Variants in C3orf49 observed in about 807,000 individuals in gnomAD.
C3orf49 encodes chromosome 3 open reading frame 49, also known as putative uncharacterized protein C3orf49.
In C3orf49, 27 loss-of-function variants were observed where a neutral mutation model predicts 13.3. The ratio of observed to expected loss-of-function variants is 2.02; its 90% CI spans 1.49 to 2.79. C3orf49 has a LOEUF of 2.79. Among genes scored for constraint, C3orf49 ranks in the 30% most tolerant of loss-of-function variants. The pLI, the probability that C3orf49 is intolerant of heterozygous loss-of-function variation, is 0.00. For missense variants in C3orf49, 242 were observed against 134.2 expected (o/e 1.80, Z -3.97); for synonymous variants, 87 against 47.6 (o/e 1.83, Z -3.40).
chr3:63,843,445 G>GGGCCGGGCGCGGTGGCT (rs1701812447), intron 5 of C3orf49, among the ~76,000 whole-genome samples: 1 of 152,062 alleles, frequency 6.6e-6, no homozygotes, highest in African/African-American at 2.4e-5. Context: ...ATTAAAAATG[G>GGGCCGGGCGCGGTGGCT]AACTACCATA....
intron 4 of C3orf49, among the ~76,000 whole-genome samples, chr3:63,831,426 G>A (rs373747506): frequency 5.3e-5 from 8 of 152,306 alleles, no homozygotes; most frequent in Admixed American, 1.3e-4. Flanking sequence ...CCTGATAAAT[G>A]TTAAATGAAT....
the C3orf49 span, among the ~76,000 whole-genome samples, chr3:63,807,992 G>T: frequency 6.6e-6 from 1 of 151,844 alleles, no homozygotes; most frequent in Admixed American, 6.6e-5. Context: ...AAGTTCTCAC[G>T]CAACTGAACA....
chr3:63,838,316 G>T, intron 5 of C3orf49: 1 of 1,227,936 alleles, frequency 8.1e-7, no homozygotes, highest in Non-Finnish European at 1.1e-6. Context: ...AGCAGGTATT[G>T]TTTCCTTTAG....
chr3:63,819,268 T>G (rs182701934), upstream of C3orf49: 1 of 515,162 alleles, frequency 1.9e-6, no homozygotes, highest in African/African-American at 1.9e-5. Flanking sequence ...CTCTGTGAAG[T>G]TGTAAACAGG....
At chr3:63,791,188 T>A in the C3orf49 span, among the ~76,000 whole-genome samples, 1 of 152,188 alleles carries the variant, frequency 6.6e-6, no homozygotes, top group African/African-American at 2.4e-5. Context: ...CAAAAAGGTA[T>A]CCAAAGGGAT....
At chr3:63,844,907 T>C (rs1701853672) in intron 5 of C3orf49, 116 bp from the exon 6 acceptor site, 4 of 536,652 alleles carry the variant, frequency 7.5e-6, no homozygotes, top group Non-Finnish European at 1.0e-5. Context: ...GTACTGGCAG[T>C]GTGGCTGTTG....
chr3:63,823,246 T>A lies in C3orf49; in HGVS notation c.126-4T>A, dbSNP rs937286663. ...CTAATATGAACCATTTTTATTTTGT[T>A]TAGATGGCATAGAGCTGTGTCTACC... On this transcript the variant is annotated splice_region_variant and splice_polypyrimidine_tract_variant and intron_variant, in intron 1 of 6. Transcript: ENST00000295896. The A allele has an allele frequency of 4.3e-6, 3 of 690,082 alleles. No individual in the cohort carries two copies. The highest frequency in any genetic ancestry group is 7.9e-6 in the Non-Finnish European group (3 of 377,544). The allele number at this position is 690,082 out of a possible 1,614,324, so 42.7% of individuals were successfully genotyped here.
chr3:63,789,532 C>T, the C3orf49 span, among the ~76,000 whole-genome samples: 244 of 152,100 alleles, frequency 1.6e-3, no homozygotes, highest in African/African-American at 5.5e-3. Context: ...AACAGGGGGC[C>T]GGGTGCAGTA....
intron 6 of C3orf49, among the ~76,000 whole-genome samples, chr3:63,846,417 A>AT (rs962831144): frequency 5.7e-4 from 86 of 151,814 alleles, no homozygotes; most frequent in African/African-American, 1.7e-3. Flanking sequence ...AAAAATTTTT[A>AT]TTTTTTTTAG....
the C3orf49 span, among the ~76,000 whole-genome samples, chr3:63,783,726 ATT>A: frequency 2.8e-4 from 42 of 149,106 alleles, 1 homozygote; most frequent in African/African-American, 1.1e-3. Context: ...TCAAAAAAAA[ATT>A]AAATTAATTA....
the C3orf49 span, among the ~76,000 whole-genome samples, chr3:63,780,890 C>A: frequency 1.3e-5 from 2 of 152,136 alleles, no homozygotes; most frequent in African/African-American, 4.8e-5. Context: ...TGGATATTAG[C>A]CCTTTGTCAG....
At chr3:63,823,648 C>T (rs535300102) in intron 2 of C3orf49, 79 bp downstream of exon 2, 317 of 626,130 alleles carry the variant, frequency 5.1e-4, no homozygotes, top group Non-Finnish European at 8.4e-4. Flanking sequence ...CTTGCTACAC[C>T]AGTATGGCAT....
chr3:63,826,030 C>A (rs1483569447), intron 2 of C3orf49, among the ~76,000 whole-genome samples: 3 of 152,100 alleles, frequency 2.0e-5, no homozygotes, highest in Non-Finnish European at 4.4e-5. Flanking sequence ...GTTCAAGTCA[C>A]AATATCAAGA....
the C3orf49 span, among the ~76,000 whole-genome samples, chr3:63,794,937 C>T: frequency 6.6e-6 from 1 of 152,128 alleles, no homozygotes. Context: ...CTCTGCAAAC[C>T]CCCCACCTTT....
the C3orf49 span, chr3:63,784,879 G>C: frequency 6.6e-6 from 1 of 152,124 alleles, no homozygotes; most frequent in African/African-American, 2.4e-5. Flanking sequence ...GAAAGTGTTA[G>C]AAAGGCTAAT....
chr3:63,813,646 C>T, the C3orf49 span, among the ~76,000 whole-genome samples: 1 of 152,222 alleles, frequency 6.6e-6, no homozygotes, highest in African/African-American at 2.4e-5. Context: ...CTGGGGAGTT[C>T]ACCCCTTGGT....
chr3:63,819,669 C>A, intron 1 of C3orf49, 73 bp downstream of exon 1: 1 of 692,822 alleles, frequency 1.4e-6, no homozygotes. Flanking sequence ...TCCTTTTAAG[C>A]ATTGCATTTA....
intron 5 of C3orf49, among the ~76,000 whole-genome samples, chr3:63,840,212 T>C (rs750026982): frequency 3.7e-4 from 57 of 152,144 alleles, no homozygotes; most frequent in Non-Finnish European, 5.9e-4. Context: ...TGTTAATGTC[T>C]CTGGCTGTTG....
intron 5 of C3orf49, chr3:63,839,766 A>C: frequency 6.2e-7 from 1 of 1,613,370 alleles, no homozygotes; most frequent in Non-Finnish European, 8.5e-7. Context: ...GCTTCCGTAT[A>C]ACTTCGTCTG....
Sources: gnomAD v4.1 joint callset for allele counts (sites outside exome capture counted in the v4.1 genomes callset) on GRCh38, gnomAD v4.1.1 for gene constraint, MANE v1.5 for transcripts, NCBI Gene and HGNC (gene_info 2026-07-23, HGNC 2026-07-21) for gene names.